The following TRPC6 variants were observed in gnomAD, a reference collection of about 807,000 sequenced individuals.
TRPC6 encodes transient receptor potential cation channel subfamily C member 6.
Under a neutral mutation model 90.7 loss-of-function variants are expected in TRPC6, and 55 were observed. The observed-to-expected ratio is 0.61, with a 90% CI of 0.49 to 0.76. TRPC6 has a LOEUF of 0.76. Ranked by LOEUF, TRPC6 falls within the 30% of genes least tolerant of loss-of-function variation. TRPC6 has a pLI of 0.00. For missense variants in TRPC6, 989 were observed against 1,122.7 expected (o/e 0.88, Z 1.70); for synonymous variants, 393 against 393.0 (o/e 1.00, Z 0.00).
chr11:101,574,617 C>T (rs538431532), intron 1 of TRPC6, among the ~76,000 whole-genome samples: 1 of 151,082 alleles, frequency 6.6e-6, no homozygotes, highest in Admixed American at 6.6e-5. Flanking sequence ...AAAAGGGTTC[C>T]TGCAGAAATC....
At chr11:101,498,659 C>A (rs1031321910) in intron 2 of TRPC6, among the ~76,000 whole-genome samples, 3 of 152,074 alleles carry the variant, frequency 2.0e-5, no homozygotes, top group Admixed American at 6.6e-5. Context: ...CTTACAAAAT[C>A]GTTATGAAAA....
chr11:101,472,245 G>T lies in TRPC6; in HGVS notation c.2097C>A (p.Phe699Leu). The change falls in exon 8 of 13, where the codon TTC becomes TTA. Residue 699 changes from phenylalanine (F) to leucine (L), a missense_variant. Transcript: ENST00000344327. ...AAAGAACGTAACCAATGTTTTCAAT[G>T]AATTTGTGGTTATAGTTGATGACCA... ...KSVVINYNHK[F>L]IENIGYVLYG... is the part of the protein sequence containing the mutation. 1 of 1,613,206 alleles carries T rather than the reference G, an allele frequency of 6.2e-7. No homozygotes were observed. Among genetic ancestry groups the T allele is most frequent in the Non-Finnish European group, 8.5e-7 (1 of 1,179,530 alleles).
At chr11:101,550,418 T>C (rs1305130150) in intron 1 of TRPC6, among the ~76,000 whole-genome samples, 1 of 151,692 alleles carries the variant, frequency 6.6e-6, no homozygotes, top group African/African-American at 2.4e-5. Flanking sequence ...TATAATTTGA[T>C]TTGTTAGAGT....
chr11:101,490,169 A>C (rs1424249673), intron 3 of TRPC6, among the ~76,000 whole-genome samples: 1 of 152,242 alleles, frequency 6.6e-6, no homozygotes, highest in East Asian at 1.9e-4. Flanking sequence ...AAATCTAATA[A>C]CAAAAATCTG....
At chr11:101,541,527 A>AT (rs1355018060) in intron 1 of TRPC6, among the ~76,000 whole-genome samples, 4 of 88,306 alleles carry the variant, frequency 4.5e-5, no homozygotes, top group Admixed American at 1.0e-4. Flanking sequence ...ACGCCCGGGT[A>AT]ATTTTTTGTA....
At chr11:101,488,855 A>G (rs1859736776) in intron 4 of TRPC6, 82 bp downstream of exon 4, 1 of 1,522,552 alleles carries the variant, frequency 6.6e-7, no homozygotes, top group Admixed American at 1.7e-5. Context: ...ATTCCCTGAA[A>G]TTTTCACTTT....
At chr11:101,473,037 T>C (rs1859329912) in intron 7 of TRPC6, among the ~76,000 whole-genome samples, 1 of 152,150 alleles carries the variant, frequency 6.6e-6, no homozygotes, top group Non-Finnish European at 1.5e-5. Context: ...AAGTCATATC[T>C]ACTCAGTGAT....
chr11:101,525,441 T>C (rs1455378531), intron 1 of TRPC6, among the ~76,000 whole-genome samples: 1 of 152,100 alleles, frequency 6.6e-6, no homozygotes. Context: ...TGGTGATGAA[T>C]TGAATGGAAA....
chr11:101,511,029 C>T (rs1049631195), intron 1 of TRPC6, among the ~76,000 whole-genome samples: 5 of 151,928 alleles, frequency 3.3e-5, no homozygotes, highest in African/African-American at 7.3e-5. Flanking sequence ...TGTAGTCAGC[C>T]GTAAGCGTAA....
At chr11:101,466,263 A>G (rs540108640) in intron 10 of TRPC6, among the ~76,000 whole-genome samples, 53 of 152,296 alleles carry the variant, frequency 3.5e-4, no homozygotes, top group African/African-American at 1.2e-3. Context: ...CTCTTTTCAG[A>G]GCCGCCAGGC....
chr11:101,463,609 G>T lies in TRPC6; in HGVS notation c.2484+5818C>A, dbSNP rs1263959001. Reference sequence around the variant, plus strand: ...GCTTATTTGTGTAGAGGTGTTTATAGTATTCTCTGATGGCAGTTTGTATTT... The same window carrying T: ...GCTTATTTGTGTAGAGGTGTTTATATTATTCTCTGATGGCAGTTTGTATTT... On this transcript the variant is annotated intron_variant, in intron 10 of 12. Coordinates refer to ENST00000344327, the MANE Select transcript of TRPC6 (RefSeq NM_004621.6). Among the ~76,000 whole-genome samples, 3 of 152,178 alleles carry T rather than the reference G, an allele frequency of 2.0e-5. No homozygotes were observed. The East Asian group carries it at 5.8e-4, about 29-fold the overall frequency.
At chr11:101,476,636 C>A in intron 5 of TRPC6, 102 bp from the exon 6 acceptor site, 2 of 1,121,190 alleles carry the variant, frequency 1.8e-6, no homozygotes, top group Non-Finnish European at 2.6e-6. Flanking sequence ...CATTACAAAA[C>A]CCTTCAAAAT....
intron 1 of TRPC6, among the ~76,000 whole-genome samples, chr11:101,522,295 T>C (rs1415459327): frequency 6.6e-6 from 1 of 152,112 alleles, no homozygotes; most frequent in Non-Finnish European, 1.5e-5. Context: ...TGTTTAAAAA[T>C]GTATATCACC....
intron 1 of TRPC6, 83 bp from the exon 2 acceptor site, chr11:101,504,881 A>G (rs1461495663): frequency 1.3e-6 from 2 of 1,486,828 alleles, no homozygotes; most frequent in Non-Finnish European, 1.8e-6. Context: ...ATCTAATACA[A>G]TCCTCAAGTA....
At chr11:101,583,073 T>A (rs1269823738) in intron 1 of TRPC6, 1 of 677,576 alleles carries the variant, frequency 1.5e-6, no homozygotes, top group Non-Finnish European at 1.8e-6. Flanking sequence ...GTGGTGTTAC[T>A]ATGCGGTCTC....
chr11:101,545,350 T>C (rs902259518), intron 1 of TRPC6, among the ~76,000 whole-genome samples: 1 of 152,200 alleles, frequency 6.6e-6, no homozygotes, highest in Non-Finnish European at 1.5e-5. Context: ...CTAGGTTATA[T>C]GAAAATACTA....
At chr11:101,469,594 CAAGTTTT>C (rs1230584093) in intron 9 of TRPC6, 93 bp from the exon 10 acceptor site, 1 of 653,524 alleles carries the variant, frequency 1.5e-6, no homozygotes, top group Non-Finnish European at 2.8e-6. Context: ...AATTCTCCAA[CAAGTTTT>C]AATGAGAGAA....
At chr11:101,508,610 G>A (rs1042523953) in intron 1 of TRPC6, among the ~76,000 whole-genome samples, 7 of 151,940 alleles carry the variant, frequency 4.6e-5, no homozygotes, top group Admixed American at 6.6e-5. Context: ...ATTGCTTTGC[G>A]TAGTTTCTAT....
At chr11:101,485,961 C>T (rs955917315) in intron 4 of TRPC6, among the ~76,000 whole-genome samples, 1 of 152,068 alleles carries the variant, frequency 6.6e-6, no homozygotes, top group Non-Finnish European at 1.5e-5. Flanking sequence ...TCTCCACTGG[C>T]CTACTGACCT....
Sources: allele counts gnomAD v4.1 joint callset (sites outside exome capture counted in the v4.1 genomes callset), GRCh38; gene constraint gnomAD v4.1.1; transcripts MANE v1.5; gene names NCBI Gene and HGNC (gene_info 2026-07-23, HGNC 2026-07-21).